Variants in LTBP1 observed in about 807,000 individuals in gnomAD.
LTBP1 encodes latent-transforming growth factor beta-binding protein 1.
LTBP1 carries 129 observed loss-of-function variants against 207.6 expected under a neutral mutation model. The ratio of observed to expected loss-of-function variants is 0.62; its 90% confidence interval spans 0.54 to 0.72. The LOEUF (loss-of-function observed/expected upper bound fraction) is 0.72, where lower values mean the gene tolerates loss of function less well. Ranked by LOEUF, LTBP1 falls within the 30% of genes least tolerant of loss-of-function variation. LTBP1 has a pLI of 0.00. For synonymous variants in LTBP1, 963 were observed against 833.7 expected (o/e 1.16, Z -2.67); for missense variants, 2,281 against 2,217.2 (o/e 1.03, Z -0.58).
intron 3 of LTBP1, among the ~76,000 whole-genome samples, chr2:33,036,811 T>C (rs1397254387): frequency 6.6e-6 from 1 of 152,180 alleles, no homozygotes; most frequent in Admixed American, 6.5e-5. Context: ...AAAAGCTTTT[T>C]TAGCATGCAA....
At chr2:32,971,037 T>C (rs1008403528) in intron 2 of LTBP1, among the ~76,000 whole-genome samples, 1 of 149,626 alleles carries the variant, frequency 6.7e-6, no homozygotes, top group Non-Finnish European at 1.5e-5. Context: ...TGTGTGTGTG[T>C]GTGTGTCTGT....
At chr2:33,359,973 G>T (rs988606410) in intron 26 of LTBP1, among the ~76,000 whole-genome samples, 3 of 152,158 alleles carry the variant, frequency 2.0e-5, no homozygotes, top group African/African-American at 7.2e-5. Context: ...AGTTGAGCTG[G>T]GACTAGAACC....
rs1484731101 is a variant in LTBP1, at chr2:33,389,241, G to A, written c.4769G>A (p.Arg1590Gln). Reference protein sequence around the residue: ...PVTGRRQPYGRDALVDFSEQY... With the variant: ...PVTGRRQPYGQDALVDFSEQY... Reference sequence around the variant, plus strand: ...ACGGGACGCCGGCAGCCATATGGACGGGACGCCTTGGTTGACTTCAGTGAA... The same window carrying A: ...ACGGGACGCCGGCAGCCATATGGACAGGACGCCTTGGTTGACTTCAGTGAA... Residue 1590 changes from arginine to glutamine, a missense_variant, in exon 32 of 34, where the codon CGG (arginine) becomes CAG (glutamine). Around this residue, in one of 3 missense-constraint regions of LTBP1, gnomAD observed 1,671 missense variants for 1,634.8 expected, o/e 1.02. Transcript: ENST00000404816. 16 of 1,614,100 alleles carry A rather than the reference G, an allele frequency of 9.9e-6. No individual in the cohort carries two copies. The highest frequency in any genetic ancestry group is 1.3e-5 in the African/African-American group (1 of 75,022).
chr2:33,194,512 G>A (rs966985135), intron 7 of LTBP1, among the ~76,000 whole-genome samples: 12 of 152,192 alleles, frequency 7.9e-5, no homozygotes, highest in African/African-American at 2.7e-4. Flanking sequence ...GAGAGGTCTA[G>A]AACCAGCCAC....
intron 9 of LTBP1, among the ~76,000 whole-genome samples, chr2:33,235,244 T>A (rs1329873548): frequency 6.6e-6 from 1 of 152,102 alleles, no homozygotes; most frequent in Non-Finnish European, 1.5e-5. Context: ...AGGTGAAGGA[T>A]ACGAACAGAC....
At position 33,285,451 on chromosome 2, in the gene LTBP1, C is replaced by CTTT. The variant is rs199993814; in HGVS notation, c.3112+5306_3112+5308dup. On this transcript the variant is annotated intron_variant, in intron 19 of 33. Coordinates refer to ENST00000404816, the MANE Select transcript of LTBP1 (RefSeq NM_206943.4). ...CATTCTCTTTTCTTTCTTTCTTTTT[C>CTTT]TTTTTTTTTTTTTTTGAGACGGAGT... Among the ~76,000 whole-genome samples, 66 of 124,394 alleles carry CTTT rather than the reference C, an allele frequency of 5.3e-4. 1 individual carries two copies. Among genetic ancestry groups the CTTT allele is most frequent in the East Asian group, 1.2e-3 (5 of 4,256 alleles). The allele number at this position is 124,394 out of a possible 152,430, so 81.6% of individuals were successfully genotyped here.
intron 10 of LTBP1, among the ~76,000 whole-genome samples, chr2:33,249,578 T>C (rs921705): frequency 0.35 from 53,578 of 152,004 alleles, 9,714 homozygotes; most frequent in Non-Finnish European, 0.38. Flanking sequence ...GGTTATGATT[T>C]GGTACTATAC....
chr2:33,317,048 A>G (rs555620273), intron 24 of LTBP1, among the ~76,000 whole-genome samples: 3 of 152,352 alleles, frequency 2.0e-5, no homozygotes, highest in East Asian at 1.9e-4. Context: ...ACATAAATAT[A>G]TTCACAATTA....
chr2:33,299,932 T>G (rs561427280), intron 20 of LTBP1, among the ~76,000 whole-genome samples: 1 of 152,356 alleles, frequency 6.6e-6, no homozygotes, highest in African/African-American at 2.4e-5. Context: ...TCTCTTGGCT[T>G]TCCTTGTTAC....
At chr2:33,307,178 C>T (rs2094111659) in intron 22 of LTBP1, among the ~76,000 whole-genome samples, 1 of 152,188 alleles carries the variant, frequency 6.6e-6, no homozygotes, top group African/African-American at 2.4e-5. Context: ...TCGGAGTTCT[C>T]ATATGTTTCC....
intron 31 of LTBP1, among the ~76,000 whole-genome samples, chr2:33,387,339 A>C (rs941180593): frequency 2.0e-5 from 3 of 152,266 alleles, no homozygotes; most frequent in African/African-American, 7.2e-5. Context: ...AACTTTAAGC[A>C]GAACTGACAG....
intron 2 of LTBP1, among the ~76,000 whole-genome samples, chr2:32,972,698 C>T (rs1239600203): frequency 6.6e-6 from 1 of 152,106 alleles, no homozygotes; most frequent in Non-Finnish European, 1.5e-5. Context: ...CCATGCTGTT[C>T]TTGTGATAGT....
chr2:33,041,441 T>G (rs1292396596), intron 3 of LTBP1, among the ~76,000 whole-genome samples: 2 of 152,152 alleles, frequency 1.3e-5, no homozygotes, highest in African/African-American at 2.4e-5. Context: ...CCCGCCACCA[T>G]GCCCAGCTAA....
At chr2:32,959,621 A>ATTTTTTTT (rs397972038) in intron 2 of LTBP1, among the ~76,000 whole-genome samples, 28 of 36,660 alleles carry the variant, frequency 7.6e-4, no homozygotes, top group South Asian at 4.6e-3. Context: ...ATATATATAT[A>ATTTTTTTT]TTTTTTTTTT....
At chr2:33,212,351 T>G (rs1411630192) in intron 7 of LTBP1, among the ~76,000 whole-genome samples, 1 of 152,088 alleles carries the variant, frequency 6.6e-6, no homozygotes, top group African/African-American at 2.4e-5. Context: ...TCTAGAGATG[T>G]GGAAATGAGG....
chr2:33,096,152 A>C (rs1050883741), intron 3 of LTBP1, among the ~76,000 whole-genome samples: 1 of 152,224 alleles, frequency 6.6e-6, no homozygotes, highest in African/African-American at 2.4e-5. Flanking sequence ...GACATATTAC[A>C]TAGATTGGAA....
intron 23 of LTBP1, among the ~76,000 whole-genome samples, chr2:33,310,885 T>C (rs1318513920): frequency 1.3e-5 from 2 of 152,232 alleles, no homozygotes; most frequent in African/African-American, 4.8e-5. Flanking sequence ...TACCTTTATA[T>C]CTGTTTATTT....
intron 31 of LTBP1, among the ~76,000 whole-genome samples, chr2:33,369,701 A>G (rs575110446): frequency 7.9e-5 from 12 of 152,264 alleles, no homozygotes; most frequent in African/African-American, 2.9e-4. Context: ...CCACACACAC[A>G]AAAATAATTT....
At chr2:33,339,430 A>G (rs554580678) in intron 24 of LTBP1, among the ~76,000 whole-genome samples, 22 of 152,114 alleles carry the variant, frequency 1.4e-4, no homozygotes, top group Non-Finnish European at 2.6e-4. Context: ...AATCTCTTTG[A>G]TGTACGCCCA....
Sources: allele counts gnomAD v4.1 joint callset (sites outside exome capture counted in the v4.1 genomes callset), GRCh38; gene constraint gnomAD v4.1.1; regional missense constraint gnomAD v4.1.1; transcripts MANE v1.5; gene names NCBI Gene and HGNC (gene_info 2026-07-23, HGNC 2026-07-21).